AHNAK: variants seen among roughly 807,000 people sequenced by gnomAD.
AHNAK encodes AHNAK nucleoprotein.
A neutral mutation model predicts 37.8 loss-of-function variants in AHNAK; 23 were observed. The ratio of observed to expected loss-of-function variants is 0.61; its 90% confidence interval spans 0.44 to 0.86. The LOEUF (loss-of-function observed/expected upper bound fraction) is 0.86. Ranked by LOEUF, AHNAK falls within the 40% of genes least tolerant of loss-of-function variation. The pLI is 0.00. For synonymous variants in AHNAK, 2,481 were observed against 2,636.3 expected (o/e 0.94, Z 1.80); for missense variants, 7,411 against 7,319.4 (o/e 1.01, Z -0.46).
At chr11:62,514,844 C>T (rs1381481997), downstream of AHNAK, among the ~76,000 whole-genome samples, 1 of 152,166 alleles carries the variant, frequency 6.6e-6, no homozygotes, top group Non-Finnish European at 1.5e-5. Context: ...ACTGGCTCTG[C>T]TGGCCACGGT....
chr11:62,535,333 C>G (rs573329086), intron 3 of AHNAK, 143 bp from the exon 4 acceptor site: 1 of 756,550 alleles, frequency 1.3e-6, no homozygotes, highest in Non-Finnish European at 2.1e-6. Context: ...TGTACAGACA[C>G]GGAAACTGAG....
At chr11:62,474,233 G>A (rs1300883153) in intron 5 of AHNAK, among the ~76,000 whole-genome samples, 4 of 148,868 alleles carry the variant, frequency 2.7e-5, no homozygotes, top group African/African-American at 5.0e-5. Context: ...TGCCCAGGCT[G>A]GAGTGCAGTG....
rs1159806518 is a variant in AHNAK, at chr11:62,529,641, T to A, written c.4776A>T (p.Lys1592Asn). ...PDVGLNLKAP[K>N]LKTDVDVSLP... ...GGGAAACATCTACATCAGTTTTCAG[T>A]TTAGGGGCTTTCAAATTAAGTCCAA... is the stretch of plus-strand genomic sequence containing the variant. The change falls in exon 5 of 5, where the codon AAA becomes AAT. Residue 1592 changes from lysine to asparagine, a missense_variant. Transcript: ENST00000378024. 2.3e-5 allele frequency: 37 copies of A among 1,614,062 alleles called. No homozygotes were observed. The highest frequency in any genetic ancestry group is 3.1e-5 in the Non-Finnish European group (37 of 1,180,042).
intron 4 of AHNAK, among the ~76,000 whole-genome samples, chr11:62,508,509 G>A (rs1226117637): frequency 6.6e-6 from 1 of 152,190 alleles, no homozygotes; most frequent in Non-Finnish European, 1.5e-5. Context: ...CTTTTCATTC[G>A]TAACCCTTTC....
intron 5 of AHNAK, among the ~76,000 whole-genome samples, chr11:62,482,266 T>G (rs1281437353): frequency 6.6e-6 from 1 of 152,038 alleles, no homozygotes; most frequent in Non-Finnish European, 1.5e-5. Flanking sequence ...AATACAAAAT[T>G]TATCCGGGCG....
chr11:62,448,726 A>C (rs1330120301), intron 5 of AHNAK, among the ~76,000 whole-genome samples: 3 of 152,164 alleles, frequency 2.0e-5, no homozygotes, highest in African/African-American at 7.2e-5. Context: ...CTCAGTGTTC[A>C]AGGCTGGAGC....
rs1399607952 is a variant in AHNAK at position 62,519,750 on chromosome 11, A to T, written c.14667T>A (p.Arg4889=). ...TGGCATCAGGGCCTTCGAAATCCAG[A>T]CGTGGACCTTTAAGATCTACTTCTG... is the stretch of plus-strand genomic sequence containing the variant. ...KGPEVDLKGP[R]LDFEGPDAKL... Residue 4889 remains arginine (R), a synonymous_variant, in exon 5 of 5, where the codon CGT becomes CGA. Transcript: ENST00000378024. 8 of 1,613,448 alleles carry T rather than the reference A, an allele frequency of 5.0e-6. No homozygotes were observed. The highest frequency in any genetic ancestry group is 3.3e-5 in the Admixed American group (2 of 59,890).
rs1372408561 is a variant in AHNAK at position 62,520,932 on chromosome 11, A to C, written c.13485T>G (p.Ile4495Met). Residue 4495 changes from isoleucine to methionine, a missense_variant, in exon 5 of 5, where the codon ATT becomes ATG. Physicochemically the swap from Ile to Met is conservative, Grantham distance 10. Transcript: ENST00000378024. ...CTTTGAGCTTCCCTTCAGGACCTTCAATGTCTACCTCTGGCCCTTTCAGAT... is the reference window on the plus strand; with the variant it reads ...CTTTGAGCTTCCCTTCAGGACCTTCCATGTCTACCTCTGGCCCTTTCAGAT... ...ESDLKGPEVDIEGPEGKLKGP... is the reference protein window; with the variant it reads ...ESDLKGPEVDMEGPEGKLKGP... The C allele has an allele frequency of 6.2e-7, 1 of 1,614,072 alleles. No homozygotes were observed. Among genetic ancestry groups the C allele is most frequent in the African/African-American group, 1.3e-5 (1 of 74,998 alleles).
At chr11:62,510,286 C>T (rs1347949826) in intron 4 of AHNAK, among the ~76,000 whole-genome samples, 1 of 151,888 alleles carries the variant, frequency 6.6e-6, no homozygotes, top group Non-Finnish European at 1.5e-5. Context: ...CCTCAAGATC[C>T]ACCCGCCTCA....
At chr11:62,438,612 G>A (rs1938232212) in intron 5 of AHNAK, among the ~76,000 whole-genome samples, 1 of 152,004 alleles carries the variant, frequency 6.6e-6, no homozygotes, top group Non-Finnish European at 1.5e-5. Context: ...TCTGAGGCTT[G>A]CCTTTTCATT....
rs1415223686 is a variant in AHNAK, at chr11:62,524,130, G to A, written c.10287C>T (p.Val3429=). Residue 3429 remains valine (V), a synonymous_variant, in exon 5 of 5, where the codon GTC becomes GTT. Transcript: ENST00000378024. The part of the protein sequence containing the change: ...DVELNLKSPK[V]KGDLDIAGPN... The stretch of plus-strand genomic sequence containing the variant: ...GACCTGCAATATCTAAGTCTCCTTT[G>A]ACTTTGGGACTTTTCAAATTTAGCT... The A allele has an allele frequency of 6.2e-7, 1 of 1,614,090 alleles. No individual in the cohort carries two copies. Among genetic ancestry groups the A allele is most frequent in the South Asian group, 1.1e-5 (1 of 91,066 alleles).
chr11:62,526,923 G>C lies in AHNAK; in HGVS notation c.7494C>G (p.Ala2498=). 2 of 1,614,048 alleles carry C rather than the reference G, an allele frequency of 1.2e-6. No homozygotes were observed. Among genetic ancestry groups the C allele is most frequent in the Non-Finnish European group, 1.7e-6 (2 of 1,180,002 alleles). The change falls in exon 5 of 5, where the codon GCC becomes GCG. Residue 2498 remains alanine, a synonymous_variant. Coordinates refer to ENST00000378024, the MANE Select transcript of AHNAK (RefSeq NM_001620.3). The part of the protein sequence containing the change: ...NIRGPKVDVN[A]PDVQAPDWHL... The stretch of plus-strand genomic sequence containing the variant: ...GCCAGTCTGGAGCTTGGACATCGGG[G>C]GCATTTACATCAACTTTGGGGCCCC...
chr11:62,510,776 T>TATATATATATATATATATATAC (rs1555028323), intron 4 of AHNAK, among the ~76,000 whole-genome samples: 1 of 150,600 alleles, frequency 6.6e-6, no homozygotes, highest in African/African-American at 2.5e-5. Context: ...TATATATATA[T>TATATATATATATATATATATAC]ATGTATATGT....
At position 62,522,568 on chromosome 11, in the gene AHNAK, G is replaced by A. The variant is rs568692787; in HGVS notation, c.11849C>T (p.Pro3950Leu). 8 of 1,612,196 alleles carry A rather than the reference G, an allele frequency of 5.0e-6. No individual in the cohort carries two copies. In the Admixed American group the frequency reaches 1.2e-4, roughly 24 times the overall value. The change falls in exon 5 of 5, where the codon CCA becomes CTA. Residue 3950 changes from proline (P) to leucine (L), a missense_variant. Coordinates refer to ENST00000378024, the MANE Select transcript of AHNAK (RefSeq NM_001620.3). ...ISMPGFKGEGPEVDVNLPKAD... is the reference protein window; with the variant it reads ...ISMPGFKGEGLEVDVNLPKAD... The stretch of plus-strand genomic sequence containing the variant: ...CTTGGGCAGGTTCACATCCACTTCT[G>A]GACCTTCTCCTTTGAAGCCAGGCAT...
At chr11:62,437,084 C>T (rs1187971850) in intron 5 of AHNAK, among the ~76,000 whole-genome samples, 1 of 152,148 alleles carries the variant, frequency 6.6e-6, no homozygotes, top group Non-Finnish European at 1.5e-5. Flanking sequence ...CCAAAACGTT[C>T]CCTCATGCAC....
At chr11:62,498,885 T>C (rs935868341) in intron 4 of AHNAK, among the ~76,000 whole-genome samples, 1 of 152,212 alleles carries the variant, frequency 6.6e-6, no homozygotes, top group East Asian at 1.9e-4. Flanking sequence ...GAAAGTACTT[T>C]ACCAGCTGTG....
rs1158019430 is a variant in AHNAK, at chr11:62,536,058, T to C, written c.41A>G (p.Asn14Ser). ...EETTRELLLP[N>S]WQGSGSHGLT... ...CCCGTGGGAGCCACTACCCTGCCAG[T>C]TGGGCAGCAGCAGCTCCCGGGTTGT... The change falls in exon 3 of 5, where the codon AAC (asparagine) becomes AGC (serine). Residue 14 changes from asparagine to serine, a missense_variant. Physicochemically the swap from Asn to Ser is conservative, Grantham distance 46 (BLOSUM62 1). Coordinates refer to ENST00000378024, the MANE Select transcript of AHNAK (RefSeq NM_001620.3). 2 of 1,606,906 alleles carry C rather than the reference T, an allele frequency of 1.2e-6. No individual in the cohort carries two copies. The highest frequency in any genetic ancestry group is 1.1e-5 in the South Asian group (1 of 90,450).
chr11:62,440,431 G>A (rs888529077), intron 5 of AHNAK, among the ~76,000 whole-genome samples: 1 of 151,986 alleles, frequency 6.6e-6, no homozygotes, highest in Non-Finnish European at 1.5e-5. Flanking sequence ...TCCCAGCCAC[G>A]AGCCCCATTC....
At chr11:62,543,675 T>C (rs546689336) in intron 1 of AHNAK, among the ~76,000 whole-genome samples, 1 of 152,284 alleles carries the variant, frequency 6.6e-6, no homozygotes, top group Non-Finnish European at 1.5e-5. Flanking sequence ...TGGAAATTGC[T>C]CGTGCTCAGG....
Sources: gnomAD v4.1 joint callset for allele counts (sites outside exome capture counted in the v4.1 genomes callset) on GRCh38, gnomAD v4.1.1 for gene constraint, MANE v1.5 for transcripts, NCBI Gene and HGNC (gene_info 2026-07-23, HGNC 2026-07-21) for gene names.